Variants in MN1 observed in about 807,000 individuals in gnomAD.
MN1 encodes the protein MN1 proto-oncogene, transcriptional regulator.
A neutral mutation model predicts 86.9 loss-of-function variants in MN1; 19 were observed. The observed-to-expected ratio is 0.22, with a 90% CI of 0.15 to 0.32. The LOEUF (loss-of-function observed/expected upper bound fraction) is 0.32. Among genes scored for constraint, MN1 ranks in the 10% least tolerant of loss-of-function variants. The probability of loss-of-function intolerance (pLI) is 1.00; values close to 1 mark genes in which losing one functional copy is unlikely to be tolerated. For missense variants in MN1, 1,841 were observed against 1,862.0 expected (o/e 0.99, Z 0.21); for synonymous variants, 928 against 849.6 (o/e 1.09, Z -1.60).
At chr22:27,785,396 A>G (rs1933114725) in intron 1 of MN1, among the ~76,000 whole-genome samples, 1 of 152,204 alleles carries the variant, frequency 6.6e-6, no homozygotes, top group Non-Finnish European at 1.5e-5. Context: ...ACGTCGCACC[A>G]AAGGAGTCCT....
At chr22:27,788,678 T>TGTGTGTGTGTGTGCACGC (rs1491323055) in intron 1 of MN1, among the ~76,000 whole-genome samples, 1 of 151,036 alleles carries the variant, frequency 6.6e-6, no homozygotes, top group Non-Finnish European at 1.5e-5. Context: ...CAAGAAGTTA[T>TGTGTGTGTGTGTGCACGC]GTGTGTGTGT....
intron 1 of MN1, among the ~76,000 whole-genome samples, chr22:27,768,327 G>A (rs1932886113): frequency 6.6e-6 from 1 of 152,150 alleles, no homozygotes; most frequent in Non-Finnish European, 1.5e-5. Flanking sequence ...CTGAGCCCTG[G>A]AGAACCAGGC....
Position 27,799,199 on chromosome 22 carries a change from G to A in MN1, c.1345C>T (p.Pro449Ser), listed in dbSNP as rs1933380941. The change falls in exon 1 of 2, where the codon CCC (proline) becomes TCC (serine). Residue 449 changes from proline to serine, a missense_variant. Physicochemically the swap from Pro to Ser is moderately conservative, Grantham distance 74. Coordinates refer to ENST00000302326, the MANE Select transcript of MN1 (RefSeq NM_002430.3). ...GGCCTCTTGGCCACGTTCATGTAGG[G>A]GGGCGCGTCGAAATGCTGCAGCCGC... ...NQRLQHFDAP[P>S]YMNVAKRPRF... The A allele has an allele frequency of 6.2e-7, 1 of 1,604,692 alleles. No homozygotes were observed. The highest frequency in any genetic ancestry group is 1.3e-5 in the African/African-American group (1 of 74,790).
chr22:27,761,953 A>C (rs1932838050), intron 1 of MN1, among the ~76,000 whole-genome samples: 1 of 152,138 alleles, frequency 6.6e-6, no homozygotes, highest in Non-Finnish European at 1.5e-5. Flanking sequence ...AGGACCGGGG[A>C]ATGCGGGGGG....
Position 27,800,846 on chromosome 22 carries a change from C to G in MN1, c.-303G>C. The G allele has an allele frequency of 2.8e-4, 71 of 254,290 alleles. No individual in the cohort carries two copies. The highest frequency in any genetic ancestry group is 1.8e-3 in the South Asian group (17 of 9,292). 15.8% of individuals were successfully genotyped at this position (254,290 alleles called of 1,614,324 possible). On this transcript the variant is annotated 5_prime_UTR_variant, in exon 1 of 2. Coordinates refer to ENST00000302326, the MANE Select transcript of MN1 (RefSeq NM_002430.3). The stretch of plus-strand genomic sequence containing the variant: ...GTTGTCACAGCCGCGGGTGGGTCTG[C>G]GGGGAGGGGACGAAGCCGCGGATGA...
chr22:27,798,370 G>A lies in MN1; in HGVS notation c.2174C>T (p.Ala725Val). Residue 725 changes from alanine (A) to valine (V), a missense_variant, in exon 1 of 2, where the codon GCT becomes GTT. Ala to Val is a moderately conservative substitution (Grantham distance 64). Transcript: ENST00000302326. ...CGGCGGCGGGGGCCGGCGCTCCGAA[G>A]CAGCGCTGGGGAGCCCCACGCCCGC... Reference protein sequence around the residue: ...PGAGVGLPSAASERRPPPPDF... With the variant: ...PGAGVGLPSAVSERRPPPPDF... 6.7e-7 allele frequency: 1 copy of A among 1,501,590 alleles called. No individual in the cohort carries two copies. Among genetic ancestry groups the A allele is most frequent in the South Asian group, 1.3e-5 (1 of 79,210 alleles). The allele number at this position is 1,501,590 out of a possible 1,614,324, so 93.0% of individuals were successfully genotyped here.
In MN1 at chr22:27,799,145, C is replaced by G; in HGVS notation, c.1399G>C (p.Val467Leu). Residue 467 changes from valine to leucine, a missense_variant, in exon 1 of 2, where the codon GTG becomes CTG. Coordinates refer to ENST00000302326, the MANE Select transcript of MN1 (RefSeq NM_002430.3). The stretch of plus-strand genomic sequence containing the variant: ...CCGTTCCACGAAGCGCAGCGGTCCA[C>G]TCCCGCGCTGCCCGGAAAGTCGAAG... ...PRFDFPGSAGVDRCASWNGSM... is the reference protein window; with the variant it reads ...PRFDFPGSAGLDRCASWNGSM... 6.2e-7 allele frequency: 1 copy of G among 1,606,654 alleles called. No homozygotes were observed. The highest frequency in any genetic ancestry group is 8.5e-7 in the Non-Finnish European group (1 of 1,174,874).
chr22:27,785,530 A>G (rs1247352322), intron 1 of MN1, among the ~76,000 whole-genome samples: 1 of 152,144 alleles, frequency 6.6e-6, no homozygotes, highest in Admixed American at 6.5e-5. Flanking sequence ...CAAAATAACT[A>G]CTTACTTAAT....
chr22:27,777,172 G>C (rs538241909), intron 1 of MN1, among the ~76,000 whole-genome samples: 1 of 152,156 alleles, frequency 6.6e-6, no homozygotes, highest in Admixed American at 6.5e-5. Flanking sequence ...AAGCAAAATC[G>C]AGATGAAACC....
rs1317350655 is a variant in MN1, at chr22:27,748,415, G to C, written c.*2500C>G. On this transcript the variant is annotated 3_prime_UTR_variant, in exon 2 of 2. Transcript: ENST00000302326. The stretch of plus-strand genomic sequence containing the variant: ...AGAAAAAAATAACACTCAATTTCAT[G>C]AGCTATTGTCACAGTCTTCCAACCA... 5.3e-6 allele frequency: 1 copy of C among 188,276 alleles called. No homozygotes were observed. The highest frequency in any genetic ancestry group is 1.1e-5 in the Non-Finnish European group (1 of 89,174). 11.7% of individuals were successfully genotyped at this position (188,276 alleles called of 1,614,324 possible).
Position 27,799,913 on chromosome 22 carries a change from C to A in MN1, c.631G>T (p.Gly211Cys). Residue 211 changes from glycine (G) to cysteine (C), a missense_variant, in exon 1 of 2, where the codon GGC becomes TGC. By Grantham distance (159) the Gly-to-Cys change is radical. Coordinates refer to ENST00000302326, the MANE Select transcript of MN1 (RefSeq NM_002430.3). ...GGCTCCAGACTGTGGGAATCGGAGC[C>A]GCTGGAGGACGGCAGGCCGTGGAAG... Reference protein sequence around the residue: ...ASFHGLPSSSGSDSHSLEPRR... With the variant: ...ASFHGLPSSSCSDSHSLEPRR... 3 of 1,602,158 alleles carry A rather than the reference C, an allele frequency of 1.9e-6. No homozygotes were observed. The highest frequency in any genetic ancestry group is 4.5e-5 in the East Asian group (2 of 44,526).
intron 1 of MN1, among the ~76,000 whole-genome samples, chr22:27,768,195 A>G (rs1179704461): frequency 6.6e-6 from 1 of 151,918 alleles, no homozygotes. Flanking sequence ...TGGCCCACCG[A>G]CTCTGCATCT....
chr22:27,752,816 G>T (rs1461664776), intron 1 of MN1, among the ~76,000 whole-genome samples: 1 of 152,166 alleles, frequency 6.6e-6, no homozygotes, highest in Non-Finnish European at 1.5e-5. Flanking sequence ...ATTGGGGGTG[G>T]GGGGCTCTGC....
chr22:27,768,412 T>G (rs1373671763), intron 1 of MN1, among the ~76,000 whole-genome samples: 1 of 152,148 alleles, frequency 6.6e-6, no homozygotes, highest in Non-Finnish European at 1.5e-5. Context: ...TGAGCAAAAC[T>G]CCTGCAGAGG....
chr22:27,776,352 C>T (rs956578232), intron 1 of MN1, among the ~76,000 whole-genome samples: 2 of 152,212 alleles, frequency 1.3e-5, no homozygotes, highest in African/African-American at 4.8e-5. Flanking sequence ...GAGATTTACA[C>T]AGGGAAACCC....
intron 1 of MN1, among the ~76,000 whole-genome samples, chr22:27,794,762 T>C (rs920021386): frequency 1.3e-5 from 2 of 152,120 alleles, no homozygotes; most frequent in Non-Finnish European, 2.9e-5. Flanking sequence ...TTTAAAAGAC[T>C]TGAAGATGAA....
chr22:27,756,145 G>A (rs1932800945), intron 1 of MN1, among the ~76,000 whole-genome samples: 1 of 152,240 alleles, frequency 6.6e-6, no homozygotes. Flanking sequence ...AGGGCTGAGT[G>A]ACCCTTCTGC....
chr22:27,793,263 T>A (rs45503201), intron 1 of MN1, among the ~76,000 whole-genome samples: 36 of 152,312 alleles, frequency 2.4e-4, no homozygotes, highest in East Asian at 1.5e-3. Flanking sequence ...TCCAACTTAA[T>A]ATGCATTATC....
chr22:27,782,122 G>T (rs1424315990), intron 1 of MN1, among the ~76,000 whole-genome samples: 1 of 152,130 alleles, frequency 6.6e-6, no homozygotes, highest in Non-Finnish European at 1.5e-5. Flanking sequence ...GCTGTCGGGT[G>T]GTAAAAAATA....
Sources: gnomAD v4.1 joint callset for allele counts (sites outside exome capture counted in the v4.1 genomes callset) on GRCh38, gnomAD v4.1.1 for gene constraint, MANE v1.5 for transcripts, NCBI Gene and HGNC (gene_info 2026-07-23, HGNC 2026-07-21) for gene names.